The following LARP4B variants were observed in gnomAD, a reference collection of about 807,000 sequenced individuals.
LARP4B encodes the protein la-related protein 4B.
LARP4B carries 12 observed loss-of-function variants against 89.8 expected under a neutral mutation model. The observed-to-expected ratio is 0.13, with a 90% CI of 0.09 to 0.22. The LOEUF is 0.22. Ranked by LOEUF, LARP4B falls within the 10% of genes least tolerant of loss-of-function variation. LARP4B has a pLI of 1.00. For missense variants in LARP4B, 757 were observed against 947.7 expected, an observed-to-expected ratio of 0.80 and a Z score of 2.64; for synonymous variants, 367 against 363.3, an observed-to-expected ratio of 1.01 and a Z score of -0.12.
chr10:832,674 G>A (rs564271994), intron 8 of LARP4B, among the ~76,000 whole-genome samples: 1 of 152,114 alleles, frequency 6.6e-6, no homozygotes, highest in Non-Finnish European at 1.5e-5. Context: ...TTAAAACACA[G>A]AAAGGGAGGA....
chr10:843,421 G>A (rs190686672), intron 6 of LARP4B, among the ~76,000 whole-genome samples: 16 of 152,286 alleles, frequency 1.1e-4, no homozygotes, highest in Admixed American at 6.5e-4. Context: ...TTGTTAGGCC[G>A]GGCACGGTGG....
chr10:895,038 T>G (rs1276450140), intron 1 of LARP4B, among the ~76,000 whole-genome samples: 1 of 152,032 alleles, frequency 6.6e-6, no homozygotes, highest in African/African-American at 2.4e-5. Flanking sequence ...TACAAAAAAT[T>G]AGCTGCGCAT....
At chr10:944,400 G>A in the LARP4B span, among the ~76,000 whole-genome samples, 16 of 152,292 alleles carry the variant, frequency 1.1e-4, no homozygotes, top group East Asian at 2.7e-3. Flanking sequence ...AGAAGAGGTT[G>A]GAGGGGGGAT....
the LARP4B span, among the ~76,000 whole-genome samples, chr10:969,473 T>C: frequency 6.6e-6 from 1 of 152,160 alleles, no homozygotes; most frequent in Admixed American, 6.5e-5. Flanking sequence ...CTCACACCTG[T>C]AGTCCCAGCA....
At chr10:930,430 A>G (rs935287303) in intron 1 of LARP4B, among the ~76,000 whole-genome samples, 3 of 152,246 alleles carry the variant, frequency 2.0e-5, no homozygotes, top group African/African-American at 7.2e-5. Context: ...ATCCACTTAG[A>G]GAATCTCAAA....
chr10:825,726 G>C (rs114601152), intron 12 of LARP4B, 38 bp downstream of exon 12: 1 of 1,420,792 alleles, frequency 7.0e-7, no homozygotes, highest in Non-Finnish European at 9.9e-7. Flanking sequence ...GGGCAGTAGC[G>C]TAAAGACCAA....
chr10:902,638 CTTTT>C (rs537413514), intron 1 of LARP4B, among the ~76,000 whole-genome samples: 3 of 140,234 alleles, frequency 2.1e-5, no homozygotes, highest in Non-Finnish European at 3.1e-5. Flanking sequence ...AACATAAAAT[CTTTT>C]TTTTTTTTTT....
At chr10:874,527 C>T (rs147322151) in intron 3 of LARP4B, among the ~76,000 whole-genome samples, 110 of 152,302 alleles carry the variant, frequency 7.2e-4, no homozygotes, top group African/African-American at 2.4e-3. Context: ...CTATGTGGTC[C>T]AGTCCCTAAC....
chr10:928,780 C>T (rs546294798), intron 1 of LARP4B, among the ~76,000 whole-genome samples: 2 of 152,124 alleles, frequency 1.3e-5, no homozygotes, highest in Admixed American at 6.5e-5. Flanking sequence ...TGAGGTCTCT[C>T]TATGTTGCCC....
At chr10:831,692 C>A (rs1282286728) in intron 8 of LARP4B, among the ~76,000 whole-genome samples, 1 of 152,204 alleles carries the variant, frequency 6.6e-6, no homozygotes, top group African/African-American at 2.4e-5. Context: ...AAGGGCACTG[C>A]TTCCGCAGTG....
rs1835802206 is a variant in LARP4B, at chr10:884,827, TA to T, written c.82-322del. Among the ~76,000 whole-genome samples, 9 of 152,332 alleles carry T rather than the reference TA, an allele frequency of 5.9e-5. No individual in the cohort carries two copies. The South Asian group carries it at 1.9e-3, about 32-fold the overall frequency. On this transcript the variant is annotated intron_variant, in intron 2 of 17. Coordinates refer to ENST00000316157, the MANE Select transcript of LARP4B (RefSeq NM_015155.3). ...CAAAAGTAGTCAAAAAAATGTATAT[TA>T]AAATCCTAACTCTTTAAATACATCC... is the stretch of plus-strand genomic sequence containing the variant.
chr10:889,531 G>A (rs1253905878), intron 1 of LARP4B, among the ~76,000 whole-genome samples: 1 of 152,204 alleles, frequency 6.6e-6, no homozygotes, highest in Non-Finnish European at 1.5e-5. Context: ...AGTGGTCCTG[G>A]CCAGGAACTG....
chr10:931,870 G>T (rs1033956180), upstream of LARP4B, among the ~76,000 whole-genome samples: 1 of 151,160 alleles, frequency 6.6e-6, no homozygotes, highest in African/African-American at 2.4e-5. Context: ...CGCTCGGCCC[G>T]CCCCGCCGCC....
intron 13 of LARP4B, among the ~76,000 whole-genome samples, chr10:823,408 T>C (rs1434112004): frequency 6.6e-6 from 1 of 152,140 alleles, no homozygotes; most frequent in Non-Finnish European, 1.5e-5. Context: ...GAAGTTCAAG[T>C]ATTGTTGAAG....
chr10:843,921 C>G (rs564655692), intron 6 of LARP4B, among the ~76,000 whole-genome samples: 2 of 152,226 alleles, frequency 1.3e-5, no homozygotes, highest in South Asian at 4.1e-4. Flanking sequence ...AGCCACAAAT[C>G]ATCAGCAGTT....
intron 1 of LARP4B, among the ~76,000 whole-genome samples, chr10:896,390 G>A (rs985338703): frequency 6.6e-6 from 1 of 152,072 alleles, no homozygotes; most frequent in Non-Finnish European, 1.5e-5. Context: ...TAAATTACCT[G>A]AGGCCAGATT....
chr10:830,380 G>T (rs1002079562), intron 9 of LARP4B, among the ~76,000 whole-genome samples: 3 of 152,056 alleles, frequency 2.0e-5, no homozygotes, highest in African/African-American at 7.2e-5. Context: ...CCCACATACT[G>T]TTTATACCAT....
intron 1 of LARP4B, chr10:903,388 T>C (rs1836396209): frequency 6.6e-6 from 1 of 152,238 alleles, no homozygotes; most frequent in Non-Finnish European, 1.5e-5. Context: ...CTTTTATAAT[T>C]TACTTTTACC....
the LARP4B span, among the ~76,000 whole-genome samples, chr10:940,914 A>G: frequency 6.6e-6 from 1 of 152,342 alleles, no homozygotes; most frequent in Non-Finnish European, 1.5e-5. Flanking sequence ...TTGGGACTTA[A>G]AATCTTGATT....
Sources: allele counts gnomAD v4.1 joint callset (sites outside exome capture counted in the v4.1 genomes callset), GRCh38; gene constraint gnomAD v4.1.1; transcripts MANE v1.5; gene names NCBI Gene and HGNC (gene_info 2026-07-23, HGNC 2026-07-21).